Variants in EIF3F observed in about 807,000 individuals in gnomAD.
The protein encoded by EIF3F is deubiquitinating enzyme eIF3f.
In EIF3F, 8 loss-of-function variants were observed where a neutral mutation model predicts 36.0. That is an observed-to-expected ratio of 0.22 (90% confidence interval 0.13 to 0.40). The LOEUF (loss-of-function observed/expected upper bound fraction) is 0.40. Ranked by LOEUF, EIF3F falls within the 10% of genes least tolerant of loss-of-function variation. The probability of loss-of-function intolerance (pLI) is 1.00; values close to 1 mark genes in which losing one functional copy is unlikely to be tolerated. For missense variants in EIF3F, 430 were observed against 467.6 expected, an observed-to-expected ratio of 0.92 and a Z score of 0.74; for synonymous variants, 184 against 188.5, an observed-to-expected ratio of 0.98 and a Z score of 0.19.
In EIF3F at chr11:7,996,623, C is replaced by T. The variant is rs1327480850; in HGVS notation, c.*601C>T. 6.6e-6 allele frequency: 1 copy of T among 152,314 alleles called. No individual in the cohort carries two copies. The allele number at this position is 152,314 out of a possible 1,614,324, so 9.4% of individuals were successfully genotyped here. A position where few individuals can be genotyped will look rare whatever the true frequency, so the allele number is the denominator to read the frequency against. On this transcript the variant is annotated 3_prime_UTR_variant, in exon 8 of 8. Coordinates refer to ENST00000651655, the MANE Select transcript of EIF3F (RefSeq NM_003754.3). Reference sequence around the variant, plus strand: ...CTCGAGGATAGAGCCTTGAGTTATACTGAGGTCTGCCAGTGGCTCAATTTA... The same window carrying T: ...CTCGAGGATAGAGCCTTGAGTTATATTGAGGTCTGCCAGTGGCTCAATTTA...
chr11:7,998,026 AT>A lies in EIF3F; in HGVS notation c.*2009del, dbSNP rs575833873. 19 of 152,326 alleles carry A rather than the reference AT, an allele frequency of 1.2e-4. No homozygotes were observed. The highest frequency in any genetic ancestry group is 3.6e-4 in the African/African-American group (15 of 41,584). 9.4% of individuals were successfully genotyped at this position (152,326 alleles called of 1,614,324 possible). A position where few individuals can be genotyped will look rare whatever the true frequency, so the allele number is the denominator to read the frequency against. ...ATATTAGGGACTTGAGCATCAGAGGATTTTTATATCCAAGGAAGGTTCTGGA... is the reference window on the plus strand; with the variant it reads ...ATATTAGGGACTTGAGCATCAGAGGATTTTATATCCAAGGAAGGTTCTGGA... On this transcript the variant is annotated 3_prime_UTR_variant, in exon 8 of 8. Transcript: ENST00000651655.
At chr11:7,988,890 G>T (rs1262819532) in intron 1 of EIF3F, among the ~76,000 whole-genome samples, 1 of 152,140 alleles carries the variant, frequency 6.6e-6, no homozygotes, top group African/African-American at 2.4e-5. Context: ...TTCACATCAG[G>T]CCTGGACCAC....
In EIF3F at chr11:7,987,420, C is replaced by T. The variant is rs1350236568; in HGVS notation, c.68C>T (p.Pro23Leu). Residue 23 changes from proline to leucine, a missense_variant, in exon 1 of 8, where the codon CCA becomes CTA. Around this residue, in one of 2 missense-constraint regions of EIF3F, gnomAD observed 168 missense variants for 120.2 expected, o/e 1.40. Transcript: ENST00000651655. The part of the protein sequence containing the change: ...ATPTPVPAAA[P>L]ASVPAPTPAP... ...CCAACCCCAGTCCCGGCGGCGGCCC[C>T]AGCCTCAGTTCCAGCGCCAACGCCA... 3 of 1,601,754 alleles carry T rather than the reference C, an allele frequency of 1.9e-6. No homozygotes were observed. Among genetic ancestry groups the T allele is most frequent in the Non-Finnish European group, 2.5e-6 (3 of 1,179,390 alleles).
intron 4 of EIF3F, 129 bp downstream of exon 4, chr11:7,993,153 A>G (rs1942117169): frequency 9.4e-7 from 1 of 1,066,478 alleles, no homozygotes; most frequent in Admixed American, 3.4e-5. Flanking sequence ...CCTCTCTCTC[A>G]ACAGTTATTC....
Position 8,001,503 on chromosome 11 carries a change from T to C in EIF3F, c.*5481T>C, listed in dbSNP as rs1230061951. 1 of 152,096 alleles carries C rather than the reference T, an allele frequency of 6.6e-6. No individual in the cohort carries two copies. The highest frequency in any genetic ancestry group is 1.5e-5 in the Non-Finnish European group (1 of 68,012). The allele number at this position is 152,096 out of a possible 1,614,324, so 9.4% of individuals were successfully genotyped here. ...CAAATGACTATTACCAGAATAGAAA[T>C]TAAACAAAGTATGATATATCCATAA... On this transcript the variant is annotated 3_prime_UTR_variant, in exon 8 of 8. Transcript: ENST00000651655.
rs1942137891 is a variant in EIF3F at position 7,994,431 on chromosome 11, T to C, written c.659T>C (p.Leu220Ser). 1 of 1,613,892 alleles carries C rather than the reference T, an allele frequency of 6.2e-7. No individual in the cohort carries two copies. The highest frequency in any genetic ancestry group is 1.1e-5 in the South Asian group (1 of 91,012). ...RMSIKAYVSTLMGVPGRTMGV... is the reference protein window; with the variant it reads ...RMSIKAYVSTSMGVPGRTMGV... Reference sequence around the variant, plus strand: ...TTTGGCTTCTCCTTCCGCAGCACTTTAATGGGAGTCCCTGGGAGGACCATG... The same window carrying C: ...TTTGGCTTCTCCTTCCGCAGCACTTCAATGGGAGTCCCTGGGAGGACCATG... Residue 220 changes from leucine (L) to serine (S), a missense_variant, in exon 5 of 8, where the codon TTA becomes TCA. By Grantham distance (145) the Leu-to-Ser change is moderately radical (BLOSUM62 -2). This residue lies in a region of EIF3F where 262 missense variants were observed against 347.4 expected (regional missense o/e 0.75). Coordinates refer to ENST00000651655, the MANE Select transcript of EIF3F (RefSeq NM_003754.3).
At position 7,995,295 on chromosome 11, in the gene EIF3F, G is replaced by T; in HGVS notation, c.924G>T (p.Leu308=). 1 of 1,614,154 alleles carries T rather than the reference G, an allele frequency of 6.2e-7. No individual in the cohort carries two copies. ...CTGACAATACTGTGGGCCGCTTCCT[G>T]ATGAGCCTGGTTAACCAAGTACCGA... ...VSADNTVGRF[L]MSLVNQVPKI... The change falls in exon 7 of 8, where the codon CTG becomes CTT. Residue 308 remains leucine, a synonymous_variant. Coordinates refer to ENST00000651655, the MANE Select transcript of EIF3F (RefSeq NM_003754.3).
chr11:7,992,710 G>T, intron 3 of EIF3F, 177 bp from the exon 4 acceptor site: 1 of 791,692 alleles, frequency 1.3e-6, no homozygotes, highest in African/African-American at 1.7e-5. Flanking sequence ...TCAGCACTAA[G>T]TCAGCCTTTG....
At position 7,992,526 on chromosome 11, in the gene EIF3F, C is replaced by G. The variant is rs145451446; in HGVS notation, c.516-361C>G. ...ATTTGAAGTTGCAGTGAGCTATGAT[C>G]ATGCCTTGCCACTGCATTCCAGCCT... On this transcript the variant is annotated intron_variant, in intron 3 of 7. Coordinates refer to ENST00000651655, the MANE Select transcript of EIF3F (RefSeq NM_003754.3). 3 of 425,844 alleles carry G rather than the reference C, an allele frequency of 7.0e-6. No individual in the cohort carries two copies. The East Asian group carries it at 1.5e-4, about 22-fold the overall frequency. The allele number at this position is 425,844 out of a possible 1,614,324, so 26.4% of individuals were successfully genotyped here.
intron 3 of EIF3F, 45 bp downstream of exon 3, chr11:7,992,208 G>A (rs759897844): frequency 8.7e-6 from 13 of 1,491,750 alleles, no homozygotes; most frequent in East Asian, 4.5e-5. Flanking sequence ...AGGTCTCTTC[G>A]TGATTGCCGG....
intron 3 of EIF3F, 145 bp from the exon 4 acceptor site, chr11:7,992,742 G>GGT: frequency 1.1e-6 from 1 of 939,218 alleles, no homozygotes; most frequent in African/African-American, 1.7e-5. Context: ...CATAGTTTTC[G>GGT]GTGTGTGTAT....
chr11:7,993,083 C>G (rs950552916), intron 4 of EIF3F, 59 bp downstream of exon 4: 1 of 1,504,014 alleles, frequency 6.6e-7, no homozygotes, highest in South Asian at 1.3e-5. Flanking sequence ...ATCCCTCCCC[C>G]ACCCCAAGCA....
chr11:7,990,496 CAA>C (rs905539539), intron 1 of EIF3F, among the ~76,000 whole-genome samples: 6 of 151,990 alleles, frequency 3.9e-5, no homozygotes, highest in African/African-American at 7.2e-5. Context: ...AATAAAAAGA[CAA>C]GAGAACAGAG....
intron 1 of EIF3F, among the ~76,000 whole-genome samples, chr11:7,989,659 G>T (rs1258191369): frequency 6.6e-6 from 1 of 152,122 alleles, no homozygotes; most frequent in African/African-American, 2.4e-5. Flanking sequence ...TAATTAGAAT[G>T]TAATATGATA....
In EIF3F at chr11:8,001,291, T is replaced by G. The variant is rs1291444602; in HGVS notation, c.*5269T>G. 1.3e-5 allele frequency: 2 copies of G among 152,248 alleles called. No individual in the cohort carries two copies. The highest frequency in any genetic ancestry group is 2.9e-5 in the Non-Finnish European group (2 of 68,046). 9.4% of individuals were successfully genotyped at this position (152,248 alleles called of 1,614,324 possible). A position where few individuals can be genotyped will look rare whatever the true frequency, so the allele number is the denominator to read the frequency against. ...CACAGATTGCTGGTAGACATATAAG[T>G]TGGTACAGCCCTCTCTATGTAATTT... is the stretch of plus-strand genomic sequence containing the variant. On this transcript the variant is annotated 3_prime_UTR_variant, in exon 8 of 8. Coordinates refer to ENST00000651655, the MANE Select transcript of EIF3F (RefSeq NM_003754.3).
rs764698252 is a variant in EIF3F, at chr11:8,000,887, C to G, written c.*4865C>G. On this transcript the variant is annotated 3_prime_UTR_variant, in exon 8 of 8. Coordinates refer to ENST00000651655, the MANE Select transcript of EIF3F (RefSeq NM_003754.3). The stretch of plus-strand genomic sequence containing the variant: ...TGATTTATGAGTGAGGAAGAACTTT[C>G]TAAGAACTGAGAATCCAGGAGTTAT... 6.6e-6 allele frequency: 1 copy of G among 152,110 alleles called. No homozygotes were observed. The highest frequency in any genetic ancestry group is 1.5e-5 in the Non-Finnish European group (1 of 68,026). The allele number at this position is 152,110 out of a possible 1,614,324, so 9.4% of individuals were successfully genotyped here. A position where few individuals can be genotyped will look rare whatever the true frequency, so the allele number is the denominator to read the frequency against.
chr11:7,990,618 G>T (rs1942080574), intron 1 of EIF3F, among the ~76,000 whole-genome samples: 1 of 152,166 alleles, frequency 6.6e-6, no homozygotes. Context: ...GGTCAAGTCT[G>T]TTCAACGCTG....
chr11:7,990,887 AT>A (rs1443054375), intron 1 of EIF3F, among the ~76,000 whole-genome samples: 1 of 146,700 alleles, frequency 6.8e-6, no homozygotes, highest in South Asian at 2.3e-4. Flanking sequence ...AAATAAATAA[AT>A]AAATAAATAA....
At chr11:7,994,697 GA>G (rs1942141449) in intron 5 of EIF3F, 180 bp downstream of exon 5, 11 of 704,166 alleles carry the variant, frequency 1.6e-5, no homozygotes, top group Non-Finnish European at 7.0e-6. Context: ...AGTTATTTGA[GA>G]AACTGTTAAA....
Sources: allele counts gnomAD v4.1 joint callset (sites outside exome capture counted in the v4.1 genomes callset), GRCh38; gene constraint gnomAD v4.1.1; regional missense constraint gnomAD v4.1.1; transcripts MANE v1.5; gene names NCBI Gene and HGNC (gene_info 2026-07-23, HGNC 2026-07-21).